ATP6V1B1: variants seen among roughly 807,000 people sequenced by gnomAD.
ATP6V1B1 encodes the protein V-type proton ATPase subunit B, kidney isoform.
In ATP6V1B1, 41 loss-of-function variants were observed where a neutral mutation model predicts 62.1. The ratio of observed to expected loss-of-function variants is 0.66; its 90% CI spans 0.51 to 0.86. The LOEUF (loss-of-function observed/expected upper bound fraction) is 0.86. ATP6V1B1 is among the 40% of genes least tolerant of loss of function. The pLI is 0.00. For missense variants in ATP6V1B1, 651 were observed against 697.5 expected, an observed-to-expected ratio of 0.93 and a Z score of 0.75; for synonymous variants, 253 against 273.4, an observed-to-expected ratio of 0.93 and a Z score of 0.74.
At chr2:70,950,860 G>T (rs782669658) in intron 2 of ATP6V1B1, among the ~76,000 whole-genome samples, 1 of 150,994 alleles carries the variant, frequency 6.6e-6, no homozygotes, top group African/African-American at 2.4e-5. Flanking sequence ...TGTCACCAAC[G>T]GTTAATATAT....
Position 70,964,813 on chromosome 2 carries a change from C to T in ATP6V1B1, c.1326C>T (p.Asp442=), listed in dbSNP as rs782010268. 2 of 1,614,046 alleles carry T rather than the reference C, an allele frequency of 1.2e-6. No individual in the cohort carries two copies. Among genetic ancestry groups the T allele is most frequent in the Non-Finnish European group, 8.5e-7 (1 of 1,180,040 alleles). ...GGGAGGAGGCGCTCACCTCTGAGGA[C>T]CTGCTCTACCTGGAATTCCTGCAGA... The part of the protein sequence containing the change: ...VVGEEALTSE[D]LLYLEFLQKF... The change falls in exon 13 of 14, where the codon GAC becomes GAT. Residue 442 remains aspartate (D), a synonymous_variant. Coordinates refer to ENST00000234396, the MANE Select transcript of ATP6V1B1 (RefSeq NM_001692.4).
At chr2:70,936,633 C>T (rs892184382) in intron 1 of ATP6V1B1, among the ~76,000 whole-genome samples, 10 of 152,066 alleles carry the variant, frequency 6.6e-5, no homozygotes, top group African/African-American at 2.4e-4. Context: ...AGGGGGTGCT[C>T]CCACCTTCAC....
rs142881463 is a variant in ATP6V1B1, at chr2:70,935,958, G to T, written c.4G>T (p.Ala2Ser). The T allele has an allele frequency of 2.8e-5, 45 of 1,613,206 alleles. 1 individual carries two copies. In the African/African-American group the frequency reaches 5.1e-4, roughly 18 times the overall value. Residue 2 changes from alanine to serine, a missense_variant, in exon 1 of 14, where the codon GCC (alanine) becomes TCC (serine). Transcript: ENST00000234396. MAMEIDSRPGGL... is the reference protein window; with the variant it reads MSMEIDSRPGGL... ...GCTCCCAGCTGGGGACTGCTCCATG[G>T]CCATGGAGATAGACAGCAGGCCTGG...
intron 2 of ATP6V1B1, chr2:70,944,113 G>T (rs1464019229): frequency 7.8e-7 from 1 of 1,285,690 alleles, no homozygotes; most frequent in Non-Finnish European, 1.0e-6. Flanking sequence ...GACTCTCACA[G>T]GATCTTCTTT....
intron 11 of ATP6V1B1, 64 bp from the exon 12 acceptor site, chr2:70,964,374 T>C (rs1476906646): frequency 5.8e-6 from 9 of 1,545,874 alleles, no homozygotes; most frequent in East Asian, 2.2e-5. Context: ...TGAGAACAAT[T>C]TGGGGACAGG....
Position 70,963,377 on chromosome 2 carries a change from T to TA in ATP6V1B1, c.1060+68dup. 6.2e-7 allele frequency: 1 copy of TA among 1,609,650 alleles called. No individual in the cohort carries two copies. Among genetic ancestry groups the TA allele is most frequent in the East Asian group, 2.2e-5 (1 of 44,836 alleles). ...GTCCTCCCTTTTCCAACCAGATACT[T>TA]AAAGGGCCCACGTTGCTTTGCACAG... is the stretch of plus-strand genomic sequence containing the variant. On this transcript the variant is annotated intron_variant, in intron 10 of 13. Transcript: ENST00000234396. The surrounding 1 kb of genome is among the most constrained non-coding windows in gnomAD (Gnocchi z 4.3).
At chr2:70,944,336 C>A (rs911236348) in intron 2 of ATP6V1B1, 35 of 861,792 alleles carry the variant, frequency 4.1e-5, no homozygotes, top group Non-Finnish European at 5.5e-5. Flanking sequence ...GTTGGGAATT[C>A]TTGAGCCATA....
At chr2:70,964,205 C>G (rs1387974620) in intron 11 of ATP6V1B1, 1 of 455,066 alleles carries the variant, frequency 2.2e-6, no homozygotes, top group Non-Finnish European at 3.9e-6. Context: ...AATACTGAGC[C>G]TTTTATTAAC....
intron 1 of ATP6V1B1, chr2:70,941,027 C>A: frequency 1.7e-6 from 1 of 585,832 alleles, no homozygotes; most frequent in Non-Finnish European, 2.1e-6. Context: ...AGGTGATCCT[C>A]CCACCTCAGC....
At chr2:70,946,400 A>C (rs1269305971) in intron 2 of ATP6V1B1, among the ~76,000 whole-genome samples, 4 of 152,146 alleles carry the variant, frequency 2.6e-5, no homozygotes, top group African/African-American at 9.7e-5. Context: ...CTACATGCCA[A>C]CCCTAGATCA....
chr2:70,936,396 A>G (rs1553415398), intron 1 of ATP6V1B1, among the ~76,000 whole-genome samples: 2 of 152,044 alleles, frequency 1.3e-5, no homozygotes, highest in African/African-American at 4.8e-5. Flanking sequence ...TGTGCTGTGC[A>G]CCTGCTCTTG....
At chr2:70,954,076 C>T (rs1252485637) in intron 2 of ATP6V1B1, among the ~76,000 whole-genome samples, 1 of 152,030 alleles carries the variant, frequency 6.6e-6, no homozygotes, top group East Asian at 1.9e-4. Flanking sequence ...TTCAAAAAAC[C>T]AATTGGCTTT....
intron 2 of ATP6V1B1, among the ~76,000 whole-genome samples, chr2:70,944,465 G>A (rs1164051672): frequency 6.6e-6 from 1 of 150,504 alleles, no homozygotes; most frequent in Non-Finnish European, 1.5e-5. Context: ...GTGCCCCTTT[G>A]ACCCCTCTTG....
At position 70,961,693 on chromosome 2, in the gene ATP6V1B1, C is replaced by T. The variant is rs202100626; in HGVS notation, c.785C>T (p.Thr262Met). 21 of 1,614,002 alleles carry T rather than the reference C, an allele frequency of 1.3e-5. No individual in the cohort carries two copies. Among genetic ancestry groups the T allele is most frequent in the Non-Finnish European group, 1.7e-5 (20 of 1,179,954 alleles). The part of the protein sequence containing the change: ...CLFLNLANDP[T>M]IERIITPRLA... ...TTCCTGAACTTGGCCAATGACCCCA[C>T]GTGAGCTTTCCCTGATGCCCAAACT... The change falls in exon 8 of 14, where the codon ACG (threonine) becomes ATG (methionine). Residue 262 changes from threonine to methionine, a missense_variant and splice_region_variant. By Grantham distance (81) the Thr-to-Met change is moderately conservative. Coordinates refer to ENST00000234396, the MANE Select transcript of ATP6V1B1 (RefSeq NM_001692.4).
At chr2:70,949,095 C>T (rs1465747561) in intron 2 of ATP6V1B1, among the ~76,000 whole-genome samples, 6 of 152,160 alleles carry the variant, frequency 3.9e-5, no homozygotes, top group Non-Finnish European at 8.8e-5. Flanking sequence ...AGGAAAGACA[C>T]GTAAAGTTAA....
At chr2:70,945,563 A>T (rs1405231664) in intron 2 of ATP6V1B1, among the ~76,000 whole-genome samples, 2 of 151,840 alleles carry the variant, frequency 1.3e-5, no homozygotes, top group African/African-American at 4.8e-5. Context: ...ATAATTGTAC[A>T]TATTCCTGAG....
At chr2:70,955,152 G>A (rs1680404477) in intron 2 of ATP6V1B1, among the ~76,000 whole-genome samples, 1 of 152,052 alleles carries the variant, frequency 6.6e-6, no homozygotes, top group Non-Finnish European at 1.5e-5. Flanking sequence ...ATGGTTTGTT[G>A]GTTTGGTTTT....
At chr2:70,946,945 G>A in intron 2 of ATP6V1B1, among the ~76,000 whole-genome samples, 1 of 152,280 alleles carries the variant, frequency 6.6e-6, no homozygotes, top group South Asian at 2.1e-4. Context: ...GGTGGTGGAG[G>A]CACCTCTCCC....
chr2:70,952,827 CATTTT>C (rs1473470574), intron 2 of ATP6V1B1, among the ~76,000 whole-genome samples: 1 of 152,062 alleles, frequency 6.6e-6, no homozygotes, highest in Non-Finnish European at 1.5e-5. Flanking sequence ...AATTGTTATT[CATTTT>C]ATTTTATTAG....
Sources: allele counts gnomAD v4.1 joint callset (sites outside exome capture counted in the v4.1 genomes callset), GRCh38; gene constraint gnomAD v4.1.1; non-coding constraint Gnocchi (gnomAD v3.1); transcripts MANE v1.5; gene names NCBI Gene and HGNC (gene_info 2026-07-23, HGNC 2026-07-21).